The following RADIL variants were observed in gnomAD, a reference collection of about 807,000 sequenced individuals.
The protein encoded by RADIL is Rap associating with DIL domain.
Under a neutral mutation model 97.6 loss-of-function variants are expected in RADIL, and 99 were observed. That is an observed-to-expected ratio of 1.01 (90% CI 0.86 to 1.20). RADIL has a LOEUF of 1.20. RADIL is among the 50% of genes most tolerant of loss of function. The probability of loss-of-function intolerance (pLI) is 0.00; values close to 1 mark genes in which losing one functional copy is unlikely to be tolerated. For missense variants in RADIL, 1,765 were observed against 1,498.9 expected (o/e 1.18, Z -2.93); for synonymous variants, 803 against 691.8 (o/e 1.16, Z -2.52).
At chr7:4,812,146 G>A (rs957820645) in intron 9 of RADIL, among the ~76,000 whole-genome samples, 3 of 152,178 alleles carry the variant, frequency 2.0e-5, no homozygotes, top group African/African-American at 7.2e-5. Context: ...CTCCCAAAGT[G>A]CTAGGATTAC....
intron 2 of RADIL, among the ~76,000 whole-genome samples, chr7:4,875,019 C>T (rs1445484649): frequency 6.6e-6 from 1 of 151,728 alleles, no homozygotes; most frequent in African/African-American, 2.4e-5. Flanking sequence ...GGTGAAACCC[C>T]GTGTCTACTA....
At chr7:4,882,762 G>A (rs894635592) in intron 1 of RADIL, among the ~76,000 whole-genome samples, 1 of 152,226 alleles carries the variant, frequency 6.6e-6, no homozygotes, top group Non-Finnish European at 1.5e-5. Flanking sequence ...CTGCTGGAGA[G>A]GAGACCGACT....
intron 8 of RADIL, 65 bp downstream of exon 8, chr7:4,816,163 C>A: frequency 6.8e-6 from 10 of 1,474,850 alleles, no homozygotes; most frequent in South Asian, 1.2e-5. Flanking sequence ...GCGAGGGAGG[C>A]GCCAGCAGCC....
chr7:4,862,322 C>A (rs1405188693), intron 2 of RADIL, among the ~76,000 whole-genome samples: 1 of 152,228 alleles, frequency 6.6e-6, no homozygotes, highest in Non-Finnish European at 1.5e-5. Flanking sequence ...CTTTGGAAGT[C>A]CAAAGACCCC....
chr7:4,800,333 G>A, intron 12 of RADIL, 23 bp from the exon 13 acceptor site: 3 of 1,425,844 alleles, frequency 2.1e-6, no homozygotes, highest in Non-Finnish European at 1.8e-6. Flanking sequence ...CAGGAAAGGT[G>A]GGTGGGAGTG....
chr7:4,805,275 ATCC>A (rs1485232068), intron 10 of RADIL: 1 of 391,140 alleles, frequency 2.6e-6, no homozygotes, highest in Non-Finnish European at 4.6e-6. Context: ...GGGAGGCCCC[ATCC>A]TCCGGCTCCG....
chr7:4,800,352 G>A (rs910999642), intron 12 of RADIL, 42 bp from the exon 13 acceptor site: 8 of 1,416,466 alleles, frequency 5.6e-6, no homozygotes, highest in Non-Finnish European at 7.4e-6. Flanking sequence ...TGAGGCGCCA[G>A]GAATCACGAC....
rs1281390313 is a variant in RADIL at position 4,822,226 on chromosome 7, A to G, written c.1615+168T>C. 2.6e-5 allele frequency among the ~76,000 whole-genome samples: 4 copies of G among 152,204 alleles called. No homozygotes were observed. Among genetic ancestry groups the G allele is most frequent in the Admixed American group, 2.0e-4 (3 of 15,284 alleles). Reference sequence around the variant, plus strand: ...CCCGTGCCACCAGCACCAGCCTCACAGGCCGTCCCCGAGCAACTGACACAT... The same window carrying G: ...CCCGTGCCACCAGCACCAGCCTCACGGGCCGTCCCCGAGCAACTGACACAT... On this transcript the variant is annotated intron_variant, in intron 6 of 14. Transcript: ENST00000399583. This position sits in a 1 kb window ranked among gnomAD's most constrained non-coding sequence, Gnocchi z 5.3.
At chr7:4,866,535 G>C (rs1438525459) in intron 2 of RADIL, among the ~76,000 whole-genome samples, 1 of 152,160 alleles carries the variant, frequency 6.6e-6, no homozygotes, top group Non-Finnish European at 1.5e-5. Context: ...AGATAGAGGG[G>C]CAATTTCAAA....
intron 2 of RADIL, among the ~76,000 whole-genome samples, chr7:4,870,970 A>G (rs546883032): frequency 6.6e-6 from 1 of 152,344 alleles, no homozygotes; most frequent in East Asian, 1.9e-4. Context: ...TTTTAAGTGT[A>G]AGCAGTAAAC....
At position 4,847,504 on chromosome 7, in the gene RADIL, A is replaced by G. The variant is rs547353342; in HGVS notation, c.536-10899T>C. On this transcript the variant is annotated intron_variant, in intron 2 of 14. Transcript: ENST00000399583. ...TTCAACTCCTAGGTATATGCCCAAG[A>G]GAAGTAAAAAATACACGTCCACGCA... Among the ~76,000 whole-genome samples, 75 of 152,340 alleles carry G rather than the reference A, an allele frequency of 4.9e-4. 1 individual carries two copies. Among genetic ancestry groups the G allele is most frequent in the Middle Eastern group, 3.4e-3 (1 of 294 alleles).
intron 5 of RADIL, among the ~76,000 whole-genome samples, chr7:4,827,477 C>T (rs1295159149): frequency 6.7e-6 from 1 of 149,204 alleles, no homozygotes; most frequent in African/African-American, 2.5e-5. Context: ...CTGGCTAACA[C>T]AGTGAAACCC....
Position 4,799,228 on chromosome 7 carries a change from G to T in RADIL, c.*150C>A. ...ATATAAATAGAACCTACACTGAGATGCATGTTATCAACAGGCATGTCCCCA... is the reference window on the plus strand; with the variant it reads ...ATATAAATAGAACCTACACTGAGATTCATGTTATCAACAGGCATGTCCCCA... On this transcript the variant is annotated 3_prime_UTR_variant, in exon 15 of 15. Coordinates refer to ENST00000399583, the MANE Select transcript of RADIL (RefSeq NM_018059.5). 1 of 634,050 alleles carries T rather than the reference G, an allele frequency of 1.6e-6. No homozygotes were observed. Among genetic ancestry groups the T allele is most frequent in the South Asian group, 1.9e-5 (1 of 53,424 alleles). The allele number at this position is 634,050 out of a possible 1,614,324, so 39.3% of individuals were successfully genotyped here.
rs59298423 is a variant in RADIL at position 4,818,944 on chromosome 7, G to A, written c.1616-1593C>T. Among the ~76,000 whole-genome samples, 244 of 152,116 alleles carry A rather than the reference G, an allele frequency of 1.6e-3. 6 individuals carry two copies. The East Asian group carries it at 0.04, about 25-fold the overall frequency. ...TTTATTTAATTTTTGGTAGAGATGG[G>A]ATCTCACTATGTTGCCCAGGCTGGT... On this transcript the variant is annotated intron_variant, in intron 6 of 14. Coordinates refer to ENST00000399583, the MANE Select transcript of RADIL (RefSeq NM_018059.5). The surrounding 1 kb of genome is among the most constrained non-coding windows in gnomAD (Gnocchi z 7.1).
At chr7:4,829,803 C>T (rs762073891) in intron 5 of RADIL, among the ~76,000 whole-genome samples, 6 of 152,188 alleles carry the variant, frequency 3.9e-5, no homozygotes, top group Non-Finnish European at 8.8e-5. Context: ...CTTGTTCCTC[C>T]TTTGCCTTCT....
At position 4,816,130 on chromosome 7, in the gene RADIL, G is replaced by A. The variant is rs1782671734; in HGVS notation, c.1966+98C>T. ...GCTCAGGGAGCAGGAGGCCAAAAAG[G>A]GCAGAGCCGCCTCCAGGAGCTGGCG... On this transcript the variant is annotated intron_variant, in intron 8 of 14. Coordinates refer to ENST00000399583, the MANE Select transcript of RADIL (RefSeq NM_018059.5). The A allele has an allele frequency of 5.0e-6, 6 of 1,202,460 alleles. No individual in the cohort carries two copies. The South Asian group carries it at 8.4e-5, about 17-fold the overall frequency. 74.5% of individuals were successfully genotyped at this position (1,202,460 alleles called of 1,614,324 possible). A position where few individuals can be genotyped will look rare whatever the true frequency, so the allele number is the denominator to read the frequency against.
chr7:4,839,768 C>A (rs1783396338), intron 2 of RADIL, among the ~76,000 whole-genome samples: 1 of 152,068 alleles, frequency 6.6e-6, no homozygotes, highest in African/African-American at 2.4e-5. Context: ...TGTTTTGGGA[C>A]AGAGTCTCAC....
intron 2 of RADIL, among the ~76,000 whole-genome samples, chr7:4,862,237 C>T (rs549890816): frequency 6.6e-6 from 1 of 152,378 alleles, no homozygotes; most frequent in South Asian, 2.1e-4. Flanking sequence ...ATTCTTTGCT[C>T]TCCAAGTCCC....
chr7:4,853,890 C>T (rs1783767688), intron 2 of RADIL, among the ~76,000 whole-genome samples: 1 of 152,126 alleles, frequency 6.6e-6, no homozygotes, highest in African/African-American at 2.4e-5. Flanking sequence ...AGCATAAGCC[C>T]TAAGCTATTG....
Sources: allele counts gnomAD v4.1 joint callset (sites outside exome capture counted in the v4.1 genomes callset), GRCh38; gene constraint gnomAD v4.1.1; non-coding constraint Gnocchi (gnomAD v3.1); transcripts MANE v1.5; gene names NCBI Gene and HGNC (gene_info 2026-07-23, HGNC 2026-07-21).